CABYR: variants seen among roughly 807,000 people sequenced by gnomAD.
The protein encoded by CABYR is calcium binding tyrosine phosphorylation regulated.
CABYR carries 31 observed loss-of-function variants against 36.1 expected under a neutral mutation model. The observed-to-expected ratio is 0.86, with a 90% CI of 0.64 to 1.16. CABYR has a LOEUF of 1.16. CABYR is among the 50% of genes most tolerant of loss of function. CABYR has a pLI of 0.00. For synonymous variants in CABYR, 146 were observed against 160.7 expected, an observed-to-expected ratio of 0.91 and a Z score of 0.69; for missense variants, 429 against 455.8, an observed-to-expected ratio of 0.94 and a Z score of 0.53.
At position 24,152,423 on chromosome 18, in the gene CABYR, G is replaced by C. The variant is rs571196596; in HGVS notation, c.200-3278G>C. On this transcript the variant is annotated intron_variant, in intron 3 of 5. Transcript: ENST00000399496. ...CTATTAAATCTCAGAACCAGGACTA[G>C]AACCTAGGTTTTCTCATTAACTTTT... Among the ~76,000 whole-genome samples the C allele has an allele frequency of 5.9e-5, 9 of 152,260 alleles. No homozygotes were observed. In the South Asian group the frequency reaches 1.9e-3, roughly 32 times the overall value.
At chr18:24,148,813 CTG>C (rs1293784028) in intron 3 of CABYR, 1 of 153,232 alleles carries the variant, frequency 6.5e-6, no homozygotes, top group East Asian at 1.9e-4. Context: ...AGGAGTGAAG[CTG>C]CAGACCTTCG....
intron 1 of CABYR, among the ~76,000 whole-genome samples, chr18:24,142,452 G>A (rs1015892186): frequency 6.6e-6 from 1 of 152,166 alleles, no homozygotes; most frequent in Non-Finnish European, 1.5e-5. Context: ...GGTTTGGAAG[G>A]ACTTGTTTAG....
chr18:24,156,414 G>A (rs200466286), intron 4 of CABYR: 210 of 1,614,026 alleles, frequency 1.3e-4, no homozygotes, highest in Non-Finnish European at 1.7e-4. Flanking sequence ...TGTGACTGAA[G>A]GAGTTGTTTA....
intron 3 of CABYR, among the ~76,000 whole-genome samples, chr18:24,149,121 C>G (rs941432887): frequency 1.3e-5 from 2 of 151,890 alleles, no homozygotes; most frequent in Non-Finnish European, 2.9e-5. Context: ...AGAGTGTGGA[C>G]ACAAAGGTTC....
chr18:24,158,871 C>T (rs530121070), intron 4 of CABYR, among the ~76,000 whole-genome samples: 12 of 152,240 alleles, frequency 7.9e-5, no homozygotes, highest in Admixed American at 5.9e-4. Context: ...TGGGACCAGC[C>T]AGCCTTTTAC....
intron 3 of CABYR, among the ~76,000 whole-genome samples, chr18:24,153,307 C>G (rs1418726421): frequency 6.6e-6 from 1 of 152,114 alleles, no homozygotes; most frequent in Admixed American, 6.5e-5. Context: ...TCTGCCTTCT[C>G]TCTGTGGTCA....
At chr18:24,150,120 G>A (rs2085581524) in intron 3 of CABYR, among the ~76,000 whole-genome samples, 1 of 152,276 alleles carries the variant, frequency 6.6e-6, no homozygotes, top group Admixed American at 6.5e-5. Flanking sequence ...TCTCAATGGG[G>A]TGAGGGAGAC....
At position 24,158,445 on chromosome 18, in the gene CABYR, A is replaced by G. The variant is rs559176766; in HGVS notation, c.542-1027A>G. ...GTGATTCTCCTGCCTCAGCCTTCCGAGTAGCTGGGATTACAGGCATGCGCC... is the reference window on the plus strand; with the variant it reads ...GTGATTCTCCTGCCTCAGCCTTCCGGGTAGCTGGGATTACAGGCATGCGCC... On this transcript the variant is annotated intron_variant, in intron 4 of 5. Transcript: ENST00000399496. Among the ~76,000 whole-genome samples, 11 of 149,916 alleles carry G rather than the reference A, an allele frequency of 7.3e-5. No individual in the cohort carries two copies. The South Asian group carries it at 2.4e-3, about 32-fold the overall frequency.
intron 4 of CABYR, chr18:24,156,286 TC>T (rs1318838053): frequency 6.2e-7 from 1 of 1,614,132 alleles, no homozygotes; most frequent in African/African-American, 1.3e-5. Flanking sequence ...GCTTCCTCAG[TC>T]CCCTTGCAGG....
At chr18:24,153,642 CTTGATTA>C (rs1162051871) in intron 3 of CABYR, among the ~76,000 whole-genome samples, 1 of 152,110 alleles carries the variant, frequency 6.6e-6, no homozygotes, top group Non-Finnish European at 1.5e-5. Context: ...AATCAGATTA[CTTGATTA>C]CTTGGTTACC....
intron 3 of CABYR, chr18:24,148,685 G>A (rs112260274): frequency 0.11 from 17,018 of 152,562 alleles, 1,923 homozygotes; most frequent in East Asian, 0.42. Flanking sequence ...TGGTGGGTTC[G>A]TGGTCTCGCT....
At chr18:24,140,320 A>G (rs1254129296) in intron 1 of CABYR, 2 of 152,228 alleles carry the variant, frequency 1.3e-5, no homozygotes, top group Non-Finnish European at 2.9e-5. Context: ...TCAAATATAT[A>G]TATGTATCAA....
Position 24,155,781 on chromosome 18 carries a change from AAAGTACCTACC to A in CABYR, c.281_291del (p.Lys94ThrfsTer19). 6.2e-7 allele frequency: 1 copy of A among 1,614,008 alleles called. No individual in the cohort carries two copies. The highest frequency in any genetic ancestry group is 8.5e-7 in the Non-Finnish European group (1 of 1,179,862). On this transcript the variant is annotated frameshift_variant, in exon 4 of 6. Coordinates refer to ENST00000399496, the MANE Select transcript of CABYR (RefSeq NM_153769.3). LOFTEE classifies it high-confidence loss of function. The stretch of plus-strand genomic sequence containing the variant: ...ACCAGGAAAAACATCTGTAGAATCT[AAAGTACCTACC>A]CAGATGGAAAAATCTACAGACACAG...
At position 24,149,452 on chromosome 18, in the gene CABYR, C is replaced by G. The variant is rs1180852224; in HGVS notation, c.199+6039C>G. Among the ~76,000 whole-genome samples the G allele has an allele frequency of 4.6e-5, 7 of 152,330 alleles. No individual in the cohort carries two copies. The East Asian group carries it at 1.4e-3, about 29-fold the overall frequency. On this transcript the variant is annotated intron_variant, in intron 3 of 5. Coordinates refer to ENST00000399496, the MANE Select transcript of CABYR (RefSeq NM_153769.3). ...CCCTGGGCTAGACATAAAGGTTCTC[C>G]ACGTCCCCACCAGACTCAGGAGTCC... is the stretch of plus-strand genomic sequence containing the variant.
rs867394418 is a variant in CABYR, at chr18:24,160,188, A to G, written c.1139+119A>G. On this transcript the variant is annotated intron_variant, in intron 5 of 5. Coordinates refer to ENST00000399496, the MANE Select transcript of CABYR (RefSeq NM_153769.3). ...ACAATTTGAGATAATAAGTTGGGGT[A>G]TACTCTAACTTCCTGGGGTTACTGT... is the stretch of plus-strand genomic sequence containing the variant. 9.3e-6 allele frequency: 7 copies of G among 755,926 alleles called. No homozygotes were observed. The East Asian group carries it at 1.8e-4, about 19-fold the overall frequency. The allele number at this position is 755,926 out of a possible 1,614,324, so 46.8% of individuals were successfully genotyped here.
At chr18:24,153,108 T>C (rs80015178) in intron 3 of CABYR, among the ~76,000 whole-genome samples, 7,340 of 152,270 alleles carry the variant, frequency 0.048, 536 homozygotes, top group African/African-American at 0.16. Flanking sequence ...GGCATCTCTC[T>C]CCAAATTCTT....
At chr18:24,151,702 T>TTTG (rs1568461520) in intron 3 of CABYR, among the ~76,000 whole-genome samples, 1 of 151,192 alleles carries the variant, frequency 6.6e-6, no homozygotes, top group African/African-American at 2.4e-5. Context: ...TTTTTTTTTT[T>TTTG]TTTTAAAGAC....
intron 4 of CABYR, chr18:24,157,111 CTT>C (rs1567903229): frequency 1.3e-6 from 1 of 754,708 alleles, no homozygotes; most frequent in Non-Finnish European, 2.1e-6. Context: ...TTTCAATAGA[CTT>C]TTTTTAAATG....
At position 24,160,266 on chromosome 18, in the gene CABYR, C is replaced by T. The variant is rs528439305; in HGVS notation, c.1139+197C>T. 159 of 563,940 alleles carry T rather than the reference C, an allele frequency of 2.8e-4. 1 individual carries two copies. In the South Asian group the frequency reaches 3.6e-3, roughly 13 times the overall value. 34.9% of individuals were successfully genotyped at this position (563,940 alleles called of 1,614,324 possible). ...ATAAATGCACAGCAGGTGCACTGTA[C>T]CACAATGACTCATGCCAAGGATTTG... On this transcript the variant is annotated intron_variant, in intron 5 of 5. Transcript: ENST00000399496.
Sources: allele counts gnomAD v4.1 joint callset (sites outside exome capture counted in the v4.1 genomes callset), GRCh38; gene constraint gnomAD v4.1.1; transcripts MANE v1.5; gene names NCBI Gene and HGNC (gene_info 2026-07-23, HGNC 2026-07-21).